Variants in ZNF208 observed in about 807,000 individuals in gnomAD.
The protein encoded by ZNF208 is zinc finger protein 95.
Under a neutral mutation model 12.1 loss-of-function variants are expected in ZNF208, and 10 were observed. The ratio of observed to expected loss-of-function variants is 0.83; its 90% CI spans 0.51 to 1.40. The LOEUF is 1.40. Among genes scored for constraint, ZNF208 ranks in the 40% most tolerant of loss-of-function variants. ZNF208 has a pLI of 0.00. For synonymous variants in ZNF208, 497 were observed against 488.4 expected, an observed-to-expected ratio of 1.02 and a Z score of -0.23; for missense variants, 1,652 against 1,485.0, an observed-to-expected ratio of 1.11 and a Z score of -1.85.
intron 4 of ZNF208, among the ~76,000 whole-genome samples, chr19:21,953,416 G>C (rs915459815): frequency 7.2e-6 from 1 of 138,848 alleles, no homozygotes; most frequent in African/African-American, 2.7e-5. Context: ...AGCCAGAAAG[G>C]TCAGGTTACC....
intron 4 of ZNF208, among the ~76,000 whole-genome samples, chr19:21,950,601 C>G (rs1969874482): frequency 6.6e-6 from 1 of 151,538 alleles, no homozygotes; most frequent in African/African-American, 2.4e-5. Flanking sequence ...TCAAGCAATT[C>G]TCCTGCCTCA....
Position 21,974,251 on chromosome 19 carries a change from T to C in ZNF208, c.783A>G (p.Glu261=). The change falls in exon 4 of 4, where the codon GAA becomes GAG. Residue 261 remains glutamate, a synonymous_variant. Coordinates refer to ENST00000397126, the MANE Select transcript of ZNF208 (RefSeq NM_007153.3). ...CAGATTGGTTAAAAGCCTTGCCACA[T>C]TCTTCACATTTGTAGGATTTCTCTC... ...HTGEKSYKCE[E]CGKAFNQSAI... is the part of the protein sequence containing the mutation. 2 of 1,612,758 alleles carry C rather than the reference T, an allele frequency of 1.2e-6. 1 individual carries two copies. The highest frequency in any genetic ancestry group is 3.3e-4 in the Middle Eastern group (2 of 6,056).
chr19:21,980,678 A>T (rs1039004441), intron 3 of ZNF208, among the ~76,000 whole-genome samples: 1 of 152,070 alleles, frequency 6.6e-6, no homozygotes, highest in African/African-American at 2.4e-5. Flanking sequence ...AGAATAAACA[A>T]ATTCAAACCC....
Position 21,985,908 on chromosome 19 carries a change from C to T in ZNF208, c.226+1308G>A, listed in dbSNP as rs182294121. 3.4e-3 allele frequency among the ~76,000 whole-genome samples: 521 copies of T among 152,274 alleles called. 8 individuals are homozygous for T. The highest frequency in any genetic ancestry group is 1.1e-3 in the Non-Finnish European group (72 of 68,030). The stretch of plus-strand genomic sequence containing the variant: ...GCAGACCTGACTGCAGAAACCTGCC[C>T]TAGCATCTGATACCCTACTGAGCAA... On this transcript the variant is annotated intron_variant, in intron 3 of 3. Coordinates refer to ENST00000397126, the MANE Select transcript of ZNF208 (RefSeq NM_007153.3).
intron 4 of ZNF208, among the ~76,000 whole-genome samples, chr19:21,948,039 G>A (rs780770430): frequency 6.6e-6 from 1 of 152,024 alleles, no homozygotes; most frequent in Non-Finnish European, 1.5e-5. Context: ...GGAACCAGAG[G>A]GAAAAAAGGA....
intron 1 of ZNF208, among the ~76,000 whole-genome samples, chr19:22,010,187 A>AAAAT (rs1015330324): frequency 8.5e-5 from 13 of 152,250 alleles, no homozygotes; most frequent in East Asian, 5.8e-4. Flanking sequence ...CTCCGTCTCA[A>AAAAT]AAATAAATAA....
intron 1 of ZNF208, among the ~76,000 whole-genome samples, chr19:22,001,886 C>T (rs1392727829): frequency 2.4e-5 from 1 of 41,464 alleles, no homozygotes; most frequent in African/African-American, 8.0e-5. Flanking sequence ...CAGTGAGACT[C>T]CATCCCAAAA....
At chr19:22,000,930 C>A (rs554891987) in intron 1 of ZNF208, among the ~76,000 whole-genome samples, 2 of 151,988 alleles carry the variant, frequency 1.3e-5, no homozygotes, top group African/African-American at 4.8e-5. Context: ...CAAACGAAAT[C>A]TAGAAGAAAT....
Position 21,966,632 on chromosome 19 carries a change from C to T in ZNF208, c.*4559G>A, listed in dbSNP as rs994984329. On this transcript the variant is annotated 3_prime_UTR_variant, in exon 4 of 4. Transcript: ENST00000397126. ...TTGGGGGCAGATATCCAGTAATCGGCTTGATTGGTCAAATGGCAATTCTAT... is the reference window on the plus strand; with the variant it reads ...TTGGGGGCAGATATCCAGTAATCGGTTTGATTGGTCAAATGGCAATTCTAT... 7.2e-5 allele frequency: 11 copies of T among 152,196 alleles called. No homozygotes were observed. Among genetic ancestry groups the T allele is most frequent in the African/African-American group, 2.6e-4 (11 of 41,560 alleles). The allele number at this position is 152,196 out of a possible 1,614,324, so 9.4% of individuals were successfully genotyped here.
chr19:21,955,581 T>C (rs1325935741), intron 4 of ZNF208, among the ~76,000 whole-genome samples: 1 of 152,230 alleles, frequency 6.6e-6, no homozygotes, highest in Non-Finnish European at 1.5e-5. Flanking sequence ...ATTAATTTGA[T>C]CTTCAATCAC....
At position 21,967,210 on chromosome 19, in the gene ZNF208, ATT is replaced by A. The variant is rs1970187474; in HGVS notation, c.*3979_*3980del. 1 of 151,890 alleles carries A rather than the reference ATT, an allele frequency of 6.6e-6. No individual in the cohort carries two copies. The highest frequency in any genetic ancestry group is 2.4e-5 in the African/African-American group (1 of 41,374). The allele number at this position is 151,890 out of a possible 1,614,324, so 9.4% of individuals were successfully genotyped here. The stretch of plus-strand genomic sequence containing the variant: ...CTCACAGATCAAGTCTTTAATCTAT[ATT>A]GAGTTGTTTTTTTTTTATAGAAAAA... On this transcript the variant is annotated 3_prime_UTR_variant, in exon 4 of 4. Transcript: ENST00000397126.
chr19:21,943,362 A>C (rs1012629855), intron 4 of ZNF208, among the ~76,000 whole-genome samples: 1 of 152,228 alleles, frequency 6.6e-6, no homozygotes, highest in Admixed American at 6.5e-5. Context: ...CAAAAAACTA[A>C]GATCCAGCAG....
downstream of ZNF208, among the ~76,000 whole-genome samples, chr19:21,964,777 A>G (rs942994099): frequency 2.0e-5 from 3 of 151,884 alleles, no homozygotes; most frequent in Non-Finnish European, 2.9e-5. Flanking sequence ...AAATGCTAAT[A>G]TAAGAATACT....
downstream of ZNF208, among the ~76,000 whole-genome samples, chr19:21,963,404 T>G (rs1246130497): frequency 2.0e-5 from 3 of 152,070 alleles, no homozygotes; most frequent in Non-Finnish European, 4.4e-5. Flanking sequence ...GTGATATTTA[T>G]AAAAACTTTT....
intron 3 of ZNF208, among the ~76,000 whole-genome samples, chr19:21,977,674 C>T (rs1970459370): frequency 6.6e-6 from 1 of 152,172 alleles, no homozygotes; most frequent in Admixed American, 6.5e-5. Context: ...ACCAAACTAG[C>T]TGCAGGAGGC....
chr19:21,941,961 T>C (rs1456694665), intron 4 of ZNF208, among the ~76,000 whole-genome samples: 1 of 152,182 alleles, frequency 6.6e-6, no homozygotes, highest in Non-Finnish European at 1.5e-5. Flanking sequence ...ACTTTACAAA[T>C]TGCTGTAGGG....
intron 1 of ZNF208, among the ~76,000 whole-genome samples, chr19:22,010,083 G>A (rs1971118009): frequency 6.6e-6 from 1 of 151,706 alleles, no homozygotes; most frequent in African/African-American, 2.4e-5. Context: ...TACTCGGAAG[G>A]CTGAGGCAGT....
At chr19:21,979,026 CA>C (rs1314796299) in intron 3 of ZNF208, among the ~76,000 whole-genome samples, 3 of 151,740 alleles carry the variant, frequency 2.0e-5, no homozygotes, top group Non-Finnish European at 4.4e-5. Context: ...CAAGATTAGA[CA>C]AAAAAGAATA....
At position 21,974,793 on chromosome 19, in the gene ZNF208, A is replaced by C; in HGVS notation, c.241T>G (p.Phe81Val). 1.3e-6 allele frequency: 2 copies of C among 1,561,138 alleles called. No homozygotes were observed. Among genetic ancestry groups the C allele is most frequent in the African/African-American group, 1.4e-5 (1 of 72,828 alleles). Reference sequence around the variant, plus strand: ...TGCTCTGGCCAAAGATCTTGAGCAAAATGAGAACATATAACTGAAAAGAAA... The same window carrying C: ...TGCTCTGGCCAAAGATCTTGAGCAACATGAGAACATATAACTGAAAAGAAA... ...VEESPVICSH[F>V]AQDLWPEQGI... The change falls in exon 4 of 4, where the codon TTT (phenylalanine) becomes GTT (valine). Residue 81 changes from phenylalanine to valine, a missense_variant. Phe to Val is a conservative substitution (Grantham distance 50). Transcript: ENST00000397126.
Sources: allele counts gnomAD v4.1 joint callset (sites outside exome capture counted in the v4.1 genomes callset), GRCh38; gene constraint gnomAD v4.1.1; transcripts MANE v1.5; gene names NCBI Gene and HGNC (gene_info 2026-07-23, HGNC 2026-07-21).